RGS6: variants seen among roughly 807,000 people sequenced by gnomAD.
The protein encoded by RGS6 is regulator of G protein signaling 6, also known as regulator of G-protein signaling 6.
Under a neutral mutation model 78.5 loss-of-function variants are expected in RGS6, and 30 were observed. The ratio of observed to expected loss-of-function variants is 0.38; its 90% CI spans 0.29 to 0.52. The LOEUF is 0.52. RGS6 is among the 20% of genes least tolerant of loss of function. RGS6 has a pLI of 0.85. For missense variants in RGS6, 495 were observed against 609.7 expected (o/e 0.81, Z 1.98); for synonymous variants, 206 against 206.0 (o/e 1.00, Z 0.00).
chr14:72,486,183 A>T (rs935439634), intron 12 of RGS6, among the ~76,000 whole-genome samples: 1 of 152,134 alleles, frequency 6.6e-6, no homozygotes, highest in Non-Finnish European at 1.5e-5. Flanking sequence ...CCATGATTGT[A>T]AGTTTCCTAG....
rs2093407731 is a variant in RGS6 at position 72,053,066 on chromosome 14, TCCCTCCC to T, written c.84+88192_84+88198del. Reference sequence around the variant, plus strand: ...CTCCCTCCCTCCCTCCCTCCCTCCCTCCCTCCCTCCCTCCCTTCCTTCCTTCCTTCCT... The same window carrying T: ...CTCCCTCCCTCCCTCCCTCCCTCCCTTCCCTCCCTTCCTTCCTTCCTTCCT... On this transcript the variant is annotated intron_variant, in intron 2 of 17. Coordinates refer to ENST00000553525, the MANE Select transcript of RGS6 (RefSeq NM_001204424.2). Among the ~76,000 whole-genome samples, 29 of 18,528 alleles carry T rather than the reference TCCCTCCC, an allele frequency of 1.6e-3. 2 individuals are homozygous for T. Among genetic ancestry groups the T allele is most frequent in the African/African-American group, 4.0e-3 (17 of 4,278 alleles). 12.2% of individuals were successfully genotyped at this position (18,528 alleles called of 152,430 possible).
At chr14:71,910,600 A>C in the RGS6 span, among the ~76,000 whole-genome samples, 1 of 152,154 alleles carries the variant, frequency 6.6e-6, no homozygotes. Context: ...CGAACTTATG[A>C]GGGTTGAGGA....
chr14:72,088,935 G>A lies in RGS6; in HGVS notation c.84+124060G>A, dbSNP rs554645316. On this transcript the variant is annotated intron_variant, in intron 2 of 17. Coordinates refer to ENST00000553525, the MANE Select transcript of RGS6 (RefSeq NM_001204424.2). ...CGTTCCTGCTCTAGGTCTTCGCAAA[G>A]CTTACATGTTCTCATTGTTCACCGA... Among the ~76,000 whole-genome samples, 6 of 152,302 alleles carry A rather than the reference G, an allele frequency of 3.9e-5. No homozygotes were observed. In the East Asian group the frequency reaches 1.2e-3, roughly 29 times the overall value.
At chr14:72,153,086 C>T (rs2096717686) in intron 2 of RGS6, among the ~76,000 whole-genome samples, 1 of 152,094 alleles carries the variant, frequency 6.6e-6, no homozygotes, top group South Asian at 2.1e-4. Context: ...CTGGTGACCC[C>T]TTTATATTTG....
chr14:72,141,471 G>A (rs954584403), intron 2 of RGS6, among the ~76,000 whole-genome samples: 6 of 152,168 alleles, frequency 3.9e-5, no homozygotes, highest in Admixed American at 6.5e-5. Flanking sequence ...GGACAGAACT[G>A]AGTTTCTTCT....
At chr14:71,890,038 C>CTCTGAGG in the RGS6 span, among the ~76,000 whole-genome samples, 1 of 152,174 alleles carries the variant, frequency 6.6e-6, no homozygotes, top group African/African-American at 2.4e-5. Context: ...ATTGGAAGCT[C>CTCTGAGG]TCTGAGGCCC....
chr14:71,964,021 T>A (rs969381336), intron 1 of RGS6, among the ~76,000 whole-genome samples: 2 of 147,310 alleles, frequency 1.4e-5, no homozygotes, highest in Admixed American at 6.9e-5. Context: ...TTGCCAAGAC[T>A]TACTTGAGGT....
chr14:71,965,037 G>T (rs2093431916), intron 2 of RGS6, among the ~76,000 whole-genome samples, 162 bp downstream of exon 2: 1 of 152,208 alleles, frequency 6.6e-6, no homozygotes, highest in African/African-American at 2.4e-5. Flanking sequence ...ATTCAAGGAA[G>T]TTCATACTTG....
intron 3 of RGS6, among the ~76,000 whole-genome samples, chr14:72,378,397 A>G (rs1018971259): frequency 2.6e-5 from 4 of 152,150 alleles, no homozygotes; most frequent in African/African-American, 7.2e-5. Context: ...AAAAAATACA[A>G]AAGATCAATG....
chr14:72,607,556 T>C, the RGS6 span, among the ~76,000 whole-genome samples: 2 of 152,224 alleles, frequency 1.3e-5, no homozygotes, highest in African/African-American at 4.8e-5. Flanking sequence ...GGACATACCA[T>C]TCATACCATA....
At chr14:71,961,916 T>A (rs1164856163) in intron 1 of RGS6, among the ~76,000 whole-genome samples, 8 of 152,232 alleles carry the variant, frequency 5.3e-5, no homozygotes, top group South Asian at 2.1e-4. Flanking sequence ...TACATCATAC[T>A]ATAATGAATG....
At chr14:72,113,839 AAGAAC>A (rs1313954971) in intron 2 of RGS6, among the ~76,000 whole-genome samples, 1 of 152,198 alleles carries the variant, frequency 6.6e-6, no homozygotes, top group Non-Finnish European at 1.5e-5. Flanking sequence ...AGGGGTAGGG[AAGAAC>A]ATTGCTCATA....
chr14:72,121,944 G>A (rs1567248633), intron 2 of RGS6, among the ~76,000 whole-genome samples: 1 of 152,078 alleles, frequency 6.6e-6, no homozygotes, highest in Non-Finnish European at 1.5e-5. Context: ...GTCAAAACTG[G>A]GGACAGGGTG....
the RGS6 span, among the ~76,000 whole-genome samples, chr14:72,578,726 A>G: frequency 1.3e-5 from 2 of 152,240 alleles, no homozygotes; most frequent in Non-Finnish European, 2.9e-5. Context: ...TGCCAAAGTA[A>G]AAGGAACTAT....
At chr14:72,185,860 G>A (rs2097236428) in intron 2 of RGS6, among the ~76,000 whole-genome samples, 1 of 152,212 alleles carries the variant, frequency 6.6e-6, no homozygotes, top group African/African-American at 2.4e-5. Context: ...TTGGAGGATT[G>A]CTTGAGCTTG....
At chr14:72,529,518 G>A (rs79308895) in intron 15 of RGS6, among the ~76,000 whole-genome samples, 3,218 of 152,150 alleles carry the variant, frequency 0.021, 108 homozygotes, top group African/African-American at 0.072. Context: ...GATGAGAGTG[G>A]TGTCCAAACT....
intron 1 of RGS6, among the ~76,000 whole-genome samples, chr14:71,939,953 C>T (rs998354938): frequency 7.9e-5 from 12 of 152,338 alleles, no homozygotes; most frequent in African/African-American, 2.9e-4. Flanking sequence ...CGTCACCCTA[C>T]TAGTCAGCCA....
intron 15 of RGS6, among the ~76,000 whole-genome samples, chr14:72,529,088 G>A (rs1270419734): frequency 1.3e-5 from 2 of 152,206 alleles, no homozygotes; most frequent in Non-Finnish European, 2.9e-5. Context: ...AGCTGGCAAG[G>A]AGGAAAGAAC....
At chr14:72,399,741 C>T (rs546453223) in intron 3 of RGS6, among the ~76,000 whole-genome samples, 18 of 152,250 alleles carry the variant, frequency 1.2e-4, no homozygotes, top group Non-Finnish European at 2.2e-4. Flanking sequence ...GACAAAATCT[C>T]TCAGCATTTG....
Sources: allele counts gnomAD v4.1 joint callset (sites outside exome capture counted in the v4.1 genomes callset), GRCh38; gene constraint gnomAD v4.1.1; transcripts MANE v1.5; gene names NCBI Gene and HGNC (gene_info 2026-07-23, HGNC 2026-07-21).